MAF: variants seen among roughly 807,000 people sequenced by gnomAD.
The protein encoded by MAF is MAF bZIP transcription factor.
Under a neutral mutation model 22.0 loss-of-function variants are expected in MAF, and 10 were observed. The observed-to-expected ratio is 0.45, with a 90% CI of 0.28 to 0.77. MAF has a LOEUF of 0.77. Ranked by LOEUF, MAF falls within the 30% of genes least tolerant of loss-of-function variation. MAF has a pLI of 0.12. For missense variants in MAF, 544 were observed against 548.4 expected (o/e 0.99, Z 0.08); for synonymous variants, 337 against 255.8 (o/e 1.32, Z -3.03).
chr16:79,275,642 C>T, the MAF span, among the ~76,000 whole-genome samples: 2 of 152,176 alleles, frequency 1.3e-5, no homozygotes, highest in Non-Finnish European at 2.9e-5. Flanking sequence ...CATTGTCAGT[C>T]ATGGCTACTT....
the MAF span, among the ~76,000 whole-genome samples, chr16:79,217,984 TGTAAAAAAAAA>T: frequency 1.3e-5 from 1 of 75,462 alleles, no homozygotes; most frequent in African/African-American, 5.4e-5. Context: ...TAGAAGCTTA[TGTAAAAAAAAA>T]AAAAAAAAAA....
the MAF span, among the ~76,000 whole-genome samples, chr16:79,319,250 T>C: frequency 2.0e-5 from 3 of 152,176 alleles, no homozygotes; most frequent in Non-Finnish European, 4.4e-5. Context: ...TACTAAGCCC[T>C]CGAGAAAGAA....
At chr16:79,364,354 A>G in the MAF span, among the ~76,000 whole-genome samples, 192 of 152,282 alleles carry the variant, frequency 1.3e-3, 1 homozygote, top group African/African-American at 4.4e-3. Flanking sequence ...GAAAAAGGAC[A>G]TTGACTGTGA....
At chr16:79,384,748 C>G in the MAF span, among the ~76,000 whole-genome samples, 1 of 151,996 alleles carries the variant, frequency 6.6e-6, no homozygotes, top group African/African-American at 2.4e-5. Flanking sequence ...CAGGGAGAGA[C>G]TCTGTCTCAA....
chr16:79,385,410 T>C, the MAF span, among the ~76,000 whole-genome samples: 1 of 152,222 alleles, frequency 6.6e-6, no homozygotes, highest in Non-Finnish European at 1.5e-5. Flanking sequence ...TGCATAAAAT[T>C]ATGCTTTTTT....
At chr16:79,501,097 G>C in the MAF span, among the ~76,000 whole-genome samples, 3 of 152,146 alleles carry the variant, frequency 2.0e-5, no homozygotes, top group Admixed American at 6.5e-5. Flanking sequence ...AGTTCTAGAA[G>C]TCCTAAATCA....
At chr16:79,244,568 G>A in the MAF span, among the ~76,000 whole-genome samples, 5 of 151,948 alleles carry the variant, frequency 3.3e-5, no homozygotes, top group African/African-American at 1.2e-4. Flanking sequence ...AAATAAGAGA[G>A]GACACAAACA....
At chr16:79,305,168 G>T in the MAF span, among the ~76,000 whole-genome samples, 1 of 152,210 alleles carries the variant, frequency 6.6e-6, no homozygotes, top group South Asian at 2.1e-4. Context: ...AGGGAGCATT[G>T]CAGGGGAAGG....
chr16:79,448,396 G>A, the MAF span, among the ~76,000 whole-genome samples: 2 of 140,802 alleles, frequency 1.4e-5, no homozygotes, highest in Non-Finnish European at 3.1e-5. Context: ...TTTTTTTTTA[G>A]CAATGAAGCA....
chr16:79,352,476 G>C, the MAF span, among the ~76,000 whole-genome samples: 2 of 152,110 alleles, frequency 1.3e-5, no homozygotes, highest in Admixed American at 1.3e-4. Flanking sequence ...CTCTAAGCCT[G>C]AGAATTGTTG....
At chr16:79,344,194 C>T in the MAF span, among the ~76,000 whole-genome samples, 15 of 152,132 alleles carry the variant, frequency 9.9e-5, no homozygotes, top group African/African-American at 2.9e-4. Flanking sequence ...CTATACTGCT[C>T]AACAGCCCAG....
the MAF span, among the ~76,000 whole-genome samples, chr16:79,401,173 T>C: frequency 6.6e-6 from 1 of 152,220 alleles, no homozygotes; most frequent in South Asian, 2.1e-4. Flanking sequence ...GAGACCCCCT[T>C]GCTCCACTGC....
At chr16:79,219,790 G>A in the MAF span, among the ~76,000 whole-genome samples, 2 of 152,078 alleles carry the variant, frequency 1.3e-5, no homozygotes, top group South Asian at 2.1e-4. Context: ...TATTTTCAAT[G>A]TAGGACTTGT....
chr16:79,588,409 G>A (rs79237288), intron 1 of MAF, among the ~76,000 whole-genome samples: 3,218 of 152,194 alleles, frequency 0.021, 116 homozygotes, highest in African/African-American at 0.073. Context: ...CATAAAGTGG[G>A]AACTGTAGAT....
At chr16:79,237,481 G>C in the MAF span, among the ~76,000 whole-genome samples, 1 of 152,058 alleles carries the variant, frequency 6.6e-6, no homozygotes, top group Non-Finnish European at 1.5e-5. Context: ...TGGTTGGTTG[G>C]AGGATTTCTC....
At chr16:79,507,403 A>T in the MAF span, among the ~76,000 whole-genome samples, 3 of 151,404 alleles carry the variant, frequency 2.0e-5, no homozygotes, top group East Asian at 5.8e-4. Context: ...GGCGTGAGCC[A>T]CCAAGCCCAG....
At chr16:79,228,934 G>C in the MAF span, among the ~76,000 whole-genome samples, 1 of 151,874 alleles carries the variant, frequency 6.6e-6, no homozygotes, top group Non-Finnish European at 1.5e-5. Flanking sequence ...ACCAGTCTGA[G>C]ACAGGGCACG....
the MAF span, among the ~76,000 whole-genome samples, chr16:79,420,350 C>G: frequency 2.0e-5 from 3 of 152,154 alleles, no homozygotes; most frequent in East Asian, 3.9e-4. Context: ...CAAAACAACG[C>G]GTGAACACAG....
At chr16:79,496,949 T>C in the MAF span, among the ~76,000 whole-genome samples, 1 of 152,246 alleles carries the variant, frequency 6.6e-6, no homozygotes, top group African/African-American at 2.4e-5. Flanking sequence ...AGAATATTGG[T>C]TGATGTAATT....
Sources: gnomAD v4.1 joint callset for allele counts (sites outside exome capture counted in the v4.1 genomes callset) on GRCh38, gnomAD v4.1.1 for gene constraint, MANE v1.5 for transcripts, NCBI Gene and HGNC (gene_info 2026-07-23, HGNC 2026-07-21) for gene names.